Variants in STAM2 observed in about 807,000 individuals in gnomAD.
STAM2 encodes the protein signal transducing adapter molecule 2.
STAM2 carries 51 observed loss-of-function variants against 65.6 expected under a neutral mutation model. The ratio of observed to expected loss-of-function variants is 0.78; its 90% confidence interval spans 0.62 to 0.98. The LOEUF (loss-of-function observed/expected upper bound fraction) is 0.98. Among genes scored for constraint, STAM2 ranks in the 50% least tolerant of loss-of-function variants. The pLI is 0.00. For synonymous variants in STAM2, 198 were observed against 208.4 expected, an observed-to-expected ratio of 0.95 and a Z score of 0.43; for missense variants, 584 against 617.8, an observed-to-expected ratio of 0.95 and a Z score of 0.58.
At chr2:152,167,217 A>G (rs1194136886) in intron 1 of STAM2, among the ~76,000 whole-genome samples, 1 of 152,188 alleles carries the variant, frequency 6.6e-6, no homozygotes, top group South Asian at 2.1e-4. Context: ...GGAGGAAACT[A>G]AAGAAAGGCC....
At chr2:152,168,286 G>A (rs111897544) in intron 1 of STAM2, among the ~76,000 whole-genome samples, 4,568 of 151,902 alleles carry the variant, frequency 0.03, 218 homozygotes, top group African/African-American at 0.11. Flanking sequence ...TCAGCCTCCC[G>A]AGTAGCTGGG....
rs946367077 is a variant in STAM2, at chr2:152,117,734, C to CT, written c.*2839dup. 2.0e-5 allele frequency: 3 copies of CT among 151,678 alleles called. No individual in the cohort carries two copies. Among genetic ancestry groups the CT allele is most frequent in the South Asian group, 2.1e-4 (1 of 4,812 alleles). 9.4% of individuals were successfully genotyped at this position (151,678 alleles called of 1,614,324 possible). A position where few individuals can be genotyped will look rare whatever the true frequency, so the allele number is the denominator to read the frequency against. On this transcript the variant is annotated 3_prime_UTR_variant, in exon 14 of 14. Transcript: ENST00000263904. ...AAATTTATGTTTTTACTAAGAAAAC[C>CT]TTTTTAAAAAAAATCCCTAAGCTAT...
chr2:152,143,709 A>G, intron 7 of STAM2, 118 bp downstream of exon 7: 2 of 670,396 alleles, frequency 3.0e-6, no homozygotes, highest in South Asian at 7.6e-5. Context: ...TAGAAAAAAC[A>G]AGGTATGAAA....
At chr2:152,124,815 CTG>C (rs1292633976) in intron 12 of STAM2, 1 of 152,172 alleles carries the variant, frequency 6.6e-6, no homozygotes, top group Non-Finnish European at 1.5e-5. Context: ...TAGGCTGAGA[CTG>C]TGAGAATCAG....
chr2:152,171,118 G>A (rs76137960), intron 1 of STAM2, among the ~76,000 whole-genome samples: 1 of 152,114 alleles, frequency 6.6e-6, no homozygotes, highest in South Asian at 2.1e-4. Context: ...TACTATTAAA[G>A]AGAATTTCTA....
chr2:152,141,585 G>T (rs541654072), intron 7 of STAM2, among the ~76,000 whole-genome samples: 6 of 150,988 alleles, frequency 4.0e-5, no homozygotes, highest in Non-Finnish European at 8.9e-5. Context: ...ATGTTTTTTT[G>T]TTTGTTTGTT....
chr2:152,158,407 C>T (rs954286538), intron 1 of STAM2, among the ~76,000 whole-genome samples: 93 of 151,982 alleles, frequency 6.1e-4, no homozygotes, highest in African/African-American at 2.2e-3. Context: ...ACCTAGGAAG[C>T]GGAGGTTGCA....
chr2:152,123,173 C>T (rs1226627082), intron 13 of STAM2, among the ~76,000 whole-genome samples: 2 of 151,880 alleles, frequency 1.3e-5, no homozygotes, highest in Non-Finnish European at 2.9e-5. Context: ...AGTTCGAGAC[C>T]AGCCTGACCA....
At chr2:152,165,011 A>G (rs1689750856) in intron 1 of STAM2, among the ~76,000 whole-genome samples, 1 of 152,092 alleles carries the variant, frequency 6.6e-6, no homozygotes, top group African/African-American at 2.4e-5. Context: ...AAACGAGCAC[A>G]CTCATTTACA....
intron 12 of STAM2, 105 bp from the exon 13 acceptor site, chr2:152,124,040 G>A: frequency 1.0e-6 from 1 of 958,934 alleles, no homozygotes; most frequent in Non-Finnish European, 1.5e-6. Context: ...ATACTTCTTT[G>A]GGAAGCAATC....
intron 1 of STAM2, among the ~76,000 whole-genome samples, chr2:152,151,486 A>G (rs749556519): frequency 2.0e-5 from 3 of 152,200 alleles, no homozygotes; most frequent in South Asian, 4.1e-4. Context: ...ACCCAGCTAC[A>G]TGAGTTTTTT....
intron 1 of STAM2, among the ~76,000 whole-genome samples, chr2:152,155,013 C>T (rs535531634): frequency 6.6e-6 from 1 of 152,294 alleles, no homozygotes; most frequent in African/African-American, 2.4e-5. Flanking sequence ...GGATTTTGTG[C>T]ATAGTCCTTT....
At chr2:152,137,100 G>A (rs530592183) in intron 7 of STAM2, among the ~76,000 whole-genome samples, 1 of 152,062 alleles carries the variant, frequency 6.6e-6, no homozygotes, top group Non-Finnish European at 1.5e-5. Context: ...ATGTTGGCCA[G>A]GCTGGTCTCA....
Position 152,144,971 on chromosome 2 carries a change from A to G in STAM2, c.448-14T>C. Reference sequence around the variant, plus strand: ...AGCTGAGACAGTCTGTAAATGTATGAGTAAAATGAACACAACTATCTTTTC... The same window carrying G: ...AGCTGAGACAGTCTGTAAATGTATGGGTAAAATGAACACAACTATCTTTTC... On this transcript the variant is annotated splice_polypyrimidine_tract_variant and intron_variant, in intron 5 of 13. Coordinates refer to ENST00000263904, the MANE Select transcript of STAM2 (RefSeq NM_005843.6). 3.7e-6 allele frequency: 6 copies of G among 1,601,280 alleles called. No individual in the cohort carries two copies. The highest frequency in any genetic ancestry group is 1.3e-5 in the African/African-American group (1 of 74,826).
chr2:152,137,405 A>T (rs1245795275), intron 7 of STAM2, among the ~76,000 whole-genome samples: 1 of 152,062 alleles, frequency 6.6e-6, no homozygotes, highest in African/African-American at 2.4e-5. Flanking sequence ...AGCTATTCAG[A>T]TTGCCTTTTC....
chr2:152,127,171 C>T (rs1688977846), intron 11 of STAM2, among the ~76,000 whole-genome samples: 1 of 152,192 alleles, frequency 6.6e-6, no homozygotes, highest in Admixed American at 6.5e-5. Context: ...CAATAAAACC[C>T]TGCTTTTGTT....
At chr2:152,156,603 C>T (rs1284728253) in intron 1 of STAM2, among the ~76,000 whole-genome samples, 1 of 151,994 alleles carries the variant, frequency 6.6e-6, no homozygotes, top group African/African-American at 2.4e-5. Context: ...TAAAAAGAGC[C>T]TCAAATACAA....
At chr2:152,150,874 G>A (rs1689431350) in intron 1 of STAM2, among the ~76,000 whole-genome samples, 1 of 151,666 alleles carries the variant, frequency 6.6e-6, no homozygotes, top group African/African-American at 2.4e-5. Context: ...CATTGGTTTT[G>A]TAAATTTTTT....
chr2:152,173,957 G>A (rs906833656), intron 1 of STAM2, among the ~76,000 whole-genome samples: 6 of 152,110 alleles, frequency 3.9e-5, no homozygotes, highest in African/African-American at 1.4e-4. Flanking sequence ...TTATGGCACT[G>A]GCCATAAAAT....
Sources: gnomAD v4.1 joint callset for allele counts (sites outside exome capture counted in the v4.1 genomes callset) on GRCh38, gnomAD v4.1.1 for gene constraint, MANE v1.5 for transcripts, NCBI Gene and HGNC (gene_info 2026-07-23, HGNC 2026-07-21) for gene names.